Variants in NCK2 observed in about 807,000 individuals in gnomAD.
NCK2 encodes NCK adaptor protein 2.
NCK2 carries 16 observed loss-of-function variants against 33.9 expected under a neutral mutation model. The ratio of observed to expected loss-of-function variants is 0.47; its 90% CI spans 0.32 to 0.72. The LOEUF is 0.72. NCK2 is among the 30% of genes least tolerant of loss of function. The probability of loss-of-function intolerance (pLI) is 0.03; values close to 1 mark genes in which losing one functional copy is unlikely to be tolerated. For synonymous variants in NCK2, 273 were observed against 239.9 expected (o/e 1.14, Z -1.27); for missense variants, 418 against 537.3 (o/e 0.78, Z 2.19).
chr2:105,834,608 C>T (rs774351421), intron 2 of NCK2, among the ~76,000 whole-genome samples: 1 of 150,966 alleles, frequency 6.6e-6, no homozygotes, highest in Non-Finnish European at 1.5e-5. Context: ...TCTGTCCAGT[C>T]TATATCTTTT....
rs750977650 is a variant in NCK2 at position 105,881,633 on chromosome 2, A to G, written c.532A>G (p.Ser178Gly). The change falls in exon 4 of 5, where the codon AGC (serine) becomes GGC (glycine). Residue 178 changes from serine to glycine, a missense_variant. By Grantham distance (56) the Ser-to-Gly change is moderately conservative. Coordinates refer to ENST00000233154, the MANE Select transcript of NCK2 (RefSeq NM_003581.5). ...EVDEAAAESP[S>G]FLSLRKGASL... The stretch of plus-strand genomic sequence containing the variant: ...GGACGAGGCGGCTGCGGAGTCCCCA[A>G]GCTTCCTGAGCCTGCGCAAGGGCGC... The G allele has an allele frequency of 1.9e-5, 30 of 1,613,608 alleles. No individual in the cohort carries two copies. The highest frequency in any genetic ancestry group is 2.5e-5 in the Non-Finnish European group (29 of 1,179,796).
At chr2:105,878,078 A>G (rs1281175465) in intron 3 of NCK2, among the ~76,000 whole-genome samples, 1 of 152,186 alleles carries the variant, frequency 6.6e-6, no homozygotes, top group African/African-American at 2.4e-5. Context: ...CAGGCTTTCT[A>G]TTTTGATGGC....
chr2:105,779,306 CAAAAAAAAA>C lies in NCK2; in HGVS notation c.-201+34178_-201+34186del, dbSNP rs780590996. Among the ~76,000 whole-genome samples the C allele has an allele frequency of 3.3e-5, 4 of 119,568 alleles. No individual in the cohort carries two copies. The South Asian group carries it at 8.5e-4, about 25-fold the overall frequency. 78.4% of individuals were successfully genotyped at this position (119,568 alleles called of 152,430 possible). A position where few individuals can be genotyped will look rare whatever the true frequency, so the allele number is the denominator to read the frequency against. On this transcript the variant is annotated intron_variant, in intron 1 of 4. Transcript: ENST00000233154. ...TGGGCAACAGGGCGAGACTCCGTCT[CAAAAAAAAA>C]AAAAAAAAAGAATCCGTCATAAAAT...
At chr2:105,798,385 G>C (rs539531662) in intron 1 of NCK2, among the ~76,000 whole-genome samples, 1 of 152,086 alleles carries the variant, frequency 6.6e-6, no homozygotes, top group South Asian at 2.1e-4. Flanking sequence ...TTCTTTCAGT[G>C]TTCTCCTTTT....
At chr2:105,780,586 ACAT>A in intron 1 of NCK2, among the ~76,000 whole-genome samples, 1 of 152,288 alleles carries the variant, frequency 6.6e-6, no homozygotes, top group South Asian at 2.1e-4. Context: ...TTATGCTGAA[ACAT>A]CAGTCACCAG....
At chr2:105,810,070 A>T (rs1675231012) in intron 1 of NCK2, among the ~76,000 whole-genome samples, 1 of 152,188 alleles carries the variant, frequency 6.6e-6, no homozygotes, top group African/African-American at 2.4e-5. Context: ...GAGCACACAC[A>T]TCCCCACTCT....
intron 1 of NCK2, among the ~76,000 whole-genome samples, chr2:105,765,021 A>AT (rs5833150): frequency 8.1e-4 from 120 of 148,662 alleles, no homozygotes; most frequent in Non-Finnish European, 1.3e-3. Flanking sequence ...CAGTGGAACC[A>AT]TTTTTTTTTT....
intron 2 of NCK2, among the ~76,000 whole-genome samples, chr2:105,841,535 T>C (rs1340414880): frequency 6.6e-6 from 1 of 152,172 alleles, no homozygotes; most frequent in African/African-American, 2.4e-5. Flanking sequence ...CTTTTTGGGT[T>C]TTTATGGAAG....
At chr2:105,875,847 C>T (rs1678215611) in intron 3 of NCK2, among the ~76,000 whole-genome samples, 1 of 152,180 alleles carries the variant, frequency 6.6e-6, no homozygotes, top group South Asian at 2.1e-4. Flanking sequence ...AAGGTTTCTT[C>T]TAGAACTTAA....
intron 3 of NCK2, among the ~76,000 whole-genome samples, chr2:105,870,520 C>A (rs963383115): frequency 1.3e-5 from 2 of 152,138 alleles, no homozygotes; most frequent in African/African-American, 4.8e-5. Context: ...CAGTGGGAGG[C>A]CGAGGTGGGC....
intron 1 of NCK2, among the ~76,000 whole-genome samples, chr2:105,779,523 C>T (rs539020644): frequency 1.3e-5 from 2 of 152,270 alleles, no homozygotes; most frequent in East Asian, 3.9e-4. Context: ...TGGCTGCGTC[C>T]AGCTGAACTT....
chr2:105,750,137 A>G (rs1689410383), intron 1 of NCK2, among the ~76,000 whole-genome samples: 1 of 152,040 alleles, frequency 6.6e-6, no homozygotes, highest in Admixed American at 6.6e-5. Flanking sequence ...GGAGGCTGGA[A>G]GTCCATGACC....
At chr2:105,758,109 C>G (rs1689650414) in intron 1 of NCK2, among the ~76,000 whole-genome samples, 1 of 152,150 alleles carries the variant, frequency 6.6e-6, no homozygotes, top group Non-Finnish European at 1.5e-5. Context: ...AGAGCTTTAT[C>G]TCTTAAAAAT....
intron 4 of NCK2, among the ~76,000 whole-genome samples, chr2:105,882,423 A>C (rs1678543518): frequency 6.6e-6 from 1 of 152,188 alleles, no homozygotes. Flanking sequence ...TCTGTGTCCC[A>C]GAGAAAGCAT....
At chr2:105,787,828 G>A (rs1690733707) in intron 1 of NCK2, among the ~76,000 whole-genome samples, 1 of 152,198 alleles carries the variant, frequency 6.6e-6, no homozygotes, top group Non-Finnish European at 1.5e-5. Context: ...GCCATAACTT[G>A]TTTTGCTTTA....
intron 1 of NCK2, among the ~76,000 whole-genome samples, chr2:105,761,122 A>G (rs1208139533): frequency 6.6e-6 from 1 of 152,140 alleles, no homozygotes; most frequent in African/African-American, 2.4e-5. Context: ...CTGTGAGGCC[A>G]TGCTGGTGTG....
At chr2:105,786,778 C>A (rs527318150) in intron 1 of NCK2, among the ~76,000 whole-genome samples, 2 of 152,186 alleles carry the variant, frequency 1.3e-5, no homozygotes, top group African/African-American at 2.4e-5. Context: ...CTGCCTCCCC[C>A]ACGCATTGCT....
At chr2:105,841,579 G>T (rs1676647853) in intron 2 of NCK2, among the ~76,000 whole-genome samples, 1 of 152,110 alleles carries the variant, frequency 6.6e-6, no homozygotes, top group Non-Finnish European at 1.5e-5. Context: ...TTAAACCCTT[G>T]GCCATGGATA....
chr2:105,792,724 A>G (rs947502484), intron 1 of NCK2, among the ~76,000 whole-genome samples: 3 of 152,132 alleles, frequency 2.0e-5, no homozygotes, highest in Non-Finnish European at 4.4e-5. Flanking sequence ...TAGAAACTGC[A>G]CATCAGAACC....
Sources: allele counts gnomAD v4.1 joint callset (sites outside exome capture counted in the v4.1 genomes callset), GRCh38; gene constraint gnomAD v4.1.1; transcripts MANE v1.5; gene names NCBI Gene and HGNC (gene_info 2026-07-23, HGNC 2026-07-21).